Variants in LRRC20 observed in about 807,000 individuals in gnomAD.
The protein encoded by LRRC20 is leucine rich repeat containing 20.
LRRC20 carries 11 observed loss-of-function variants against 14.4 expected under a neutral mutation model. The observed-to-expected ratio is 0.77, with a 90% CI of 0.48 to 1.27. LRRC20 has a LOEUF of 1.27. LRRC20 is among the 50% of genes most tolerant of loss of function. The probability of loss-of-function intolerance (pLI) is 0.00; values close to 1 mark genes in which losing one functional copy is unlikely to be tolerated. For missense variants in LRRC20, 219 were observed against 251.2 expected (o/e 0.87, Z 0.87); for synonymous variants, 121 against 107.3 (o/e 1.13, Z -0.79).
chr10:70,353,167 T>C (rs1039919267), intron 2 of LRRC20, among the ~76,000 whole-genome samples: 2 of 152,146 alleles, frequency 1.3e-5, no homozygotes, highest in African/African-American at 2.4e-5. Context: ...ATTCCCTCCA[T>C]TCCTCACAAC....
At chr10:70,365,666 A>C (rs75061555) in intron 2 of LRRC20, among the ~76,000 whole-genome samples, 1 of 152,086 alleles carries the variant, frequency 6.6e-6, no homozygotes, top group African/African-American at 2.4e-5. Flanking sequence ...ACAGCACTGC[A>C]CTCCAGCCTG....
chr10:70,352,125 TG>T (rs34258083), intron 2 of LRRC20, among the ~76,000 whole-genome samples: 113,698 of 151,772 alleles, frequency 0.75, 42,944 homozygotes, highest in Middle Eastern at 0.83. Flanking sequence ...AGACATGCTT[TG>T]TTTTTTGTAA....
chr10:70,374,749 T>C (rs1038174913), intron 2 of LRRC20, among the ~76,000 whole-genome samples: 2 of 152,152 alleles, frequency 1.3e-5, no homozygotes, highest in African/African-American at 2.4e-5. Context: ...AGCACAGACG[T>C]GGCTGGCTGA....
At chr10:70,368,449 G>A (rs961550746) in intron 2 of LRRC20, among the ~76,000 whole-genome samples, 6 of 151,732 alleles carry the variant, frequency 4.0e-5, no homozygotes, top group East Asian at 1.9e-4. Context: ...GAGCCACCGC[G>A]CCCGGCCATT....
At chr10:70,334,981 A>G (rs1842671944) in intron 3 of LRRC20, among the ~76,000 whole-genome samples, 1 of 152,166 alleles carries the variant, frequency 6.6e-6, no homozygotes, top group African/African-American at 2.4e-5. Flanking sequence ...AGCAGCCAGG[A>G]GCCCTCTGCA....
At chr10:70,335,925 C>A (rs889343207) in intron 3 of LRRC20, among the ~76,000 whole-genome samples, 1 of 152,212 alleles carries the variant, frequency 6.6e-6, no homozygotes, top group Non-Finnish European at 1.5e-5. Context: ...GAAAGCAAAA[C>A]TGACTTCCAA....
chr10:70,363,121 A>T (rs1427016817), intron 2 of LRRC20, among the ~76,000 whole-genome samples: 1 of 147,844 alleles, frequency 6.8e-6, no homozygotes, highest in African/African-American at 2.5e-5. Context: ...AAAAAAAAAA[A>T]TTTTAAATTA....
At chr10:70,323,749 C>T in intron 4 of LRRC20, 114 bp downstream of exon 4, 1 of 1,227,056 alleles carries the variant, frequency 8.1e-7, no homozygotes, top group Non-Finnish European at 1.1e-6. Context: ...GCTCAGGCAT[C>T]TCAGACAGAA....
intron 4 of LRRC20, among the ~76,000 whole-genome samples, chr10:70,305,638 C>T (rs72809215): frequency 0.012 from 1,892 of 152,184 alleles, 16 homozygotes; most frequent in Middle Eastern, 0.031. Flanking sequence ...AAGTCTCTTC[C>T]CCCCTCCTTT....
intron 1 of LRRC20, among the ~76,000 whole-genome samples, chr10:70,377,945 T>C (rs1198804044): frequency 6.6e-6 from 1 of 152,230 alleles, no homozygotes; most frequent in Non-Finnish European, 1.5e-5. Context: ...ATTTATTGGC[T>C]GAGAGGCCTT....
intron 3 of LRRC20, among the ~76,000 whole-genome samples, chr10:70,339,668 T>G (rs1842841175): frequency 6.6e-6 from 1 of 151,988 alleles, no homozygotes; most frequent in Admixed American, 6.6e-5. Flanking sequence ...GAGAGACTGC[T>G]CTCTGGAGAA....
At chr10:70,317,284 G>A (rs915630130) in intron 4 of LRRC20, among the ~76,000 whole-genome samples, 7 of 151,316 alleles carry the variant, frequency 4.6e-5, no homozygotes, top group Non-Finnish European at 7.4e-5. Context: ...AGAAGGAGGT[G>A]TAAGAGGGAG....
intron 2 of LRRC20, among the ~76,000 whole-genome samples, chr10:70,357,612 G>A (rs1024508921): frequency 2.0e-5 from 3 of 152,266 alleles, no homozygotes; most frequent in Middle Eastern, 3.4e-3. Flanking sequence ...AGCCCTGGAC[G>A]AGGAGACAAC....
At position 70,323,924 on chromosome 10, in the gene LRRC20, AG is replaced by A. The variant is rs1842200893; in HGVS notation, c.338del (p.Pro113LeufsTer21). 4 of 1,614,190 alleles carry A rather than the reference AG, an allele frequency of 2.5e-6. No individual in the cohort carries two copies. The highest frequency in any genetic ancestry group is 3.4e-6 in the Non-Finnish European group (4 of 1,180,032). ...DLSRNQFQDF[P>X]EQLTALPALE... is the part of the protein sequence containing the mutation. ...GCGCCGGCAGGGCGGTAAGCTGCTC[AG>A]GGAAGTCCTGGAACTGGTTCCGGGA... On this transcript the variant is annotated frameshift_variant, in exon 4 of 5. Transcript: ENST00000446961. LOFTEE classifies it high-confidence loss of function.
At chr10:70,372,594 A>G (rs1456700163) in intron 2 of LRRC20, among the ~76,000 whole-genome samples, 1 of 151,694 alleles carries the variant, frequency 6.6e-6, no homozygotes, top group Non-Finnish European at 1.5e-5. Context: ...GGTGCCCGCC[A>G]CCACGCCCGG....
chr10:70,373,283 C>T (rs1381464593), intron 2 of LRRC20, among the ~76,000 whole-genome samples: 2 of 152,142 alleles, frequency 1.3e-5, no homozygotes, highest in African/African-American at 4.8e-5. Flanking sequence ...TACTTCAATA[C>T]CCAGCAATAT....
At chr10:70,372,578 A>G (rs1041252888) in intron 2 of LRRC20, among the ~76,000 whole-genome samples, 10 of 151,612 alleles carry the variant, frequency 6.6e-5, no homozygotes, top group African/African-American at 2.4e-4. Context: ...AGTAGCTGGG[A>G]CTACAGGTGC....
intron 2 of LRRC20, among the ~76,000 whole-genome samples, chr10:70,351,465 TAGAG>T (rs776708527): frequency 3.3e-5 from 5 of 152,172 alleles, no homozygotes; most frequent in Non-Finnish European, 7.3e-5. Flanking sequence ...GTTTAATTGT[TAGAG>T]AGTTCTTTAA....
intron 4 of LRRC20, among the ~76,000 whole-genome samples, chr10:70,315,815 T>C (rs753513915): frequency 6.6e-6 from 1 of 152,242 alleles, no homozygotes; most frequent in Non-Finnish European, 1.5e-5. Flanking sequence ...CTTGGGGTGA[T>C]AGATTTGAGG....
Sources: gnomAD v4.1 joint callset for allele counts (sites outside exome capture counted in the v4.1 genomes callset) on GRCh38, gnomAD v4.1.1 for gene constraint, MANE v1.5 for transcripts, NCBI Gene and HGNC (gene_info 2026-07-23, HGNC 2026-07-21) for gene names.